Variants in KLF16 observed in about 807,000 individuals in gnomAD.
KLF16 encodes the protein Krueppel-like factor 16.
A neutral mutation model predicts 6.1 loss-of-function variants in KLF16; 6 were observed. The observed-to-expected ratio is 0.98, with a 90% CI of 0.54 to 1.93. The LOEUF (loss-of-function observed/expected upper bound fraction) is 1.93. Ranked by LOEUF, KLF16 falls within the 30% of genes most tolerant of loss-of-function variation. The pLI is 0.01. For missense variants in KLF16, 355 were observed against 363.8 expected, an observed-to-expected ratio of 0.98 and a Z score of 0.20; for synonymous variants, 211 against 176.5, an observed-to-expected ratio of 1.20 and a Z score of -1.55.
upstream of KLF16, among the ~76,000 whole-genome samples, chr19:1,868,518 A>G (rs1310171831): frequency 1.6e-5 from 2 of 121,484 alleles, no homozygotes; most frequent in Admixed American, 9.4e-5. Flanking sequence ...TCTCACTGTT[A>G]CCCAGGCTGG....
Position 1,854,447 on chromosome 19 carries a change from T to C in KLF16, c.*12A>G, listed in dbSNP as rs1164945993. ...AAGCATCCTGGCGGTCAGGGTGGGC[T>C]GCACGAGGGCCCTACAGGCCTGCGG... On this transcript the variant is annotated 3_prime_UTR_variant, in exon 2 of 2. Coordinates refer to ENST00000250916, the MANE Select transcript of KLF16 (RefSeq NM_031918.4). The C allele has an allele frequency of 1.4e-6, 2 of 1,396,408 alleles. No individual in the cohort carries two copies. Among genetic ancestry groups the C allele is most frequent in the Middle Eastern group, 2.6e-4 (1 of 3,784 alleles). The allele number at this position is 1,396,408 out of a possible 1,614,324, so 86.5% of individuals were successfully genotyped here. A position where few individuals can be genotyped will look rare whatever the true frequency, so the allele number is the denominator to read the frequency against.
intron 1 of KLF16, among the ~76,000 whole-genome samples, chr19:1,859,540 C>A (rs553030325): frequency 2.0e-5 from 3 of 152,128 alleles, no homozygotes; most frequent in South Asian, 4.2e-4. Context: ...ATTCACCTTG[C>A]CGAGGTGCCC....
In KLF16 at chr19:1,854,625, C is replaced by A; in HGVS notation, c.593G>T (p.Arg198Leu). 6.3e-7 allele frequency: 1 copy of A among 1,598,210 alleles called. No individual in the cohort carries two copies. The highest frequency in any genetic ancestry group is 8.5e-7 in the Non-Finnish European group (1 of 1,179,018). ...GGCGTGCTTGGCCAGGTGGTCACTG[C>A]GGGTGAAGCGCTTGGAGCACAGAGG... ...SCPLCSKRFT[R>L]SDHLAKHARR... The change falls in exon 2 of 2, where the codon CGC (arginine) becomes CTC (leucine). Residue 198 changes from arginine to leucine, a missense_variant. Transcript: ENST00000250916.
the KLF16 span, among the ~76,000 whole-genome samples, chr19:1,868,987 A>C: frequency 6.6e-6 from 1 of 152,128 alleles, no homozygotes; most frequent in Non-Finnish European, 1.5e-5. Context: ...CCTCCTCAAG[A>C]CTGTCAAAGT....
At position 1,854,311 on chromosome 19, in the gene KLF16, T is replaced by C. The variant is rs1282356019; in HGVS notation, c.*148A>G. On this transcript the variant is annotated 3_prime_UTR_variant, in exon 2 of 2. Transcript: ENST00000250916. ...AGGTCAGGCAGACCCAGGTCCAGTCTCAGGCCCCCTCCTCACTCTCTGGAG... is the reference window on the plus strand; with the variant it reads ...AGGTCAGGCAGACCCAGGTCCAGTCCCAGGCCCCCTCCTCACTCTCTGGAG... 2.0e-6 allele frequency: 2 copies of C among 1,010,102 alleles called. No homozygotes were observed. Among genetic ancestry groups the C allele is most frequent in the African/African-American group, 3.4e-5 (2 of 58,132 alleles). 62.6% of individuals were successfully genotyped at this position (1,010,102 alleles called of 1,614,324 possible).
At chr19:1,855,643 G>A (rs1416584170) in intron 1 of KLF16, among the ~76,000 whole-genome samples, 1 of 152,234 alleles carries the variant, frequency 6.6e-6, no homozygotes, top group Non-Finnish European at 1.5e-5. Flanking sequence ...CTTTGCTCTA[G>A]AACTGTGCCA....
the KLF16 span, among the ~76,000 whole-genome samples, chr19:1,870,822 C>T: frequency 2.2e-4 from 34 of 152,078 alleles, 1 homozygote; most frequent in Non-Finnish European, 2.9e-5. Context: ...ATGGTGAAAC[C>T]CCGTCTCTAC....
At chr19:1,871,955 C>G in the KLF16 span, among the ~76,000 whole-genome samples, 1 of 152,138 alleles carries the variant, frequency 6.6e-6, no homozygotes, top group Non-Finnish European at 1.5e-5. Context: ...TCCCCCAACC[C>G]CTGCACCCCC....
the KLF16 span, among the ~76,000 whole-genome samples, chr19:1,868,767 C>T: frequency 3.5e-3 from 530 of 151,868 alleles, 5 homozygotes; most frequent in South Asian, 0.025. Flanking sequence ...CTTGGCTTCC[C>T]GAGTAGCCGC....
At position 1,863,387 on chromosome 19, in the gene KLF16, G is replaced by GGGGCCCGCGCCCTCGGGGCC; in HGVS notation, c.91_110dup (p.Ala39ProfsTer113). On this transcript the variant is annotated frameshift_variant, in exon 1 of 2. Coordinates refer to ENST00000250916, the MANE Select transcript of KLF16 (RefSeq NM_031918.4). LOFTEE classifies it high-confidence loss of function. ...CCGCGCGCACATCCAGGCCGGCGGC[G>GGGGCCCGCGCCCTCGGGGCC]GGGCCCGCGCCCTCGGGGCCGGGCC... is the stretch of plus-strand genomic sequence containing the variant. 1.0e-6 allele frequency: 1 copy of GGGGCCCGCGCCCTCGGGGCC among 983,986 alleles called. No individual in the cohort carries two copies. The highest frequency in any genetic ancestry group is 1.2e-6 in the Non-Finnish European group (1 of 830,964). The allele number at this position is 983,986 out of a possible 1,614,324, so 61.0% of individuals were successfully genotyped here. A position where few individuals can be genotyped will look rare whatever the true frequency, so the allele number is the denominator to read the frequency against.
upstream of KLF16, among the ~76,000 whole-genome samples, chr19:1,867,649 T>C (rs2145375063): frequency 6.6e-6 from 1 of 152,300 alleles, no homozygotes; most frequent in Non-Finnish European, 1.5e-5. Flanking sequence ...ATGTATCACC[T>C]GAGGTCAGGA....
chr19:1,863,389 G>T lies in KLF16; in HGVS notation c.109C>A (p.Pro37Thr). The T allele has an allele frequency of 1.0e-6, 1 of 986,038 alleles. No individual in the cohort carries two copies. Among genetic ancestry groups the T allele is most frequent in the Non-Finnish European group, 1.2e-6 (1 of 832,516 alleles). 61.1% of individuals were successfully genotyped at this position (986,038 alleles called of 1,614,324 possible). Residue 37 changes from proline to threonine, a missense_variant, in exon 1 of 2, where the codon CCC becomes ACC. By Grantham distance (38) the Pro-to-Thr change is conservative (BLOSUM62 -1). Transcript: ENST00000250916. ...RGRPGPEGAG[P>T]AAGLDVRAAR... ...GCGCGCACATCCAGGCCGGCGGCGG[G>T]GCCCGCGCCCTCGGGGCCGGGCCGC... is the stretch of plus-strand genomic sequence containing the variant.
At chr19:1,856,528 C>T (rs535894411) in intron 1 of KLF16, among the ~76,000 whole-genome samples, 30 of 152,296 alleles carry the variant, frequency 2.0e-4, no homozygotes, top group Non-Finnish European at 3.8e-4. Context: ...ATCCCTGGGG[C>T]TGCCTGCTCC....
chr19:1,856,004 C>G (rs1313894289), intron 1 of KLF16, among the ~76,000 whole-genome samples: 1 of 152,232 alleles, frequency 6.6e-6, no homozygotes, highest in Non-Finnish European at 1.5e-5. Context: ...AAAGCCTATT[C>G]TCAAGGAAGC....
chr19:1,856,423 C>T (rs2011950996), intron 1 of KLF16, among the ~76,000 whole-genome samples: 1 of 152,210 alleles, frequency 6.6e-6, no homozygotes, highest in Non-Finnish European at 1.5e-5. Flanking sequence ...AGACTGCAGA[C>T]AGAGACCAGC....
chr19:1,866,569 G>A (rs1200588759), upstream of KLF16, among the ~76,000 whole-genome samples: 3 of 151,718 alleles, frequency 2.0e-5, no homozygotes, highest in Non-Finnish European at 2.9e-5. Flanking sequence ...AGCCGAGATC[G>A]TGCCACTGCA....
intron 1 of KLF16, among the ~76,000 whole-genome samples, chr19:1,855,662 C>G (rs2011935476): frequency 6.6e-6 from 1 of 152,258 alleles, no homozygotes; most frequent in Non-Finnish European, 1.5e-5. Context: ...CACCCGACCC[C>G]TTCCTTTAGC....
Position 1,854,361 on chromosome 19 carries a change from T to C in KLF16, c.*98A>G. 1.5e-6 allele frequency: 2 copies of C among 1,333,562 alleles called. No homozygotes were observed. Among genetic ancestry groups the C allele is most frequent in the Non-Finnish European group, 1.9e-6 (2 of 1,043,108 alleles). 82.6% of individuals were successfully genotyped at this position (1,333,562 alleles called of 1,614,324 possible). A position where few individuals can be genotyped will look rare whatever the true frequency, so the allele number is the denominator to read the frequency against. On this transcript the variant is annotated 3_prime_UTR_variant, in exon 2 of 2. Transcript: ENST00000250916. The stretch of plus-strand genomic sequence containing the variant: ...GGGGGGCAGGGGTGTCTTCAGGGTT[T>C]GCCCACGGCTGGAAGGGGCCCAGGC...
chr19:1,862,798 C>T (rs958492939), intron 1 of KLF16: 9 of 365,186 alleles, frequency 2.5e-5, no homozygotes, highest in African/African-American at 1.9e-4. Context: ...GCAGACCTCG[C>T]TGGGCCCCCG....
Sources: allele counts gnomAD v4.1 joint callset (sites outside exome capture counted in the v4.1 genomes callset), GRCh38; gene constraint gnomAD v4.1.1; transcripts MANE v1.5; gene names NCBI Gene and HGNC (gene_info 2026-07-23, HGNC 2026-07-21).